DSE: variants seen among roughly 807,000 people sequenced by gnomAD.
The protein encoded by DSE is dermatan-sulfate epimerase.
Under a neutral mutation model 84.4 loss-of-function variants are expected in DSE, and 36 were observed. That is an observed-to-expected ratio of 0.43 (90% CI 0.33 to 0.56). DSE has a LOEUF of 0.56. DSE is among the 20% of genes least tolerant of loss of function. DSE has a pLI of 0.06. For missense variants in DSE, 862 were observed against 1,169.6 expected (o/e 0.74, Z 3.84); for synonymous variants, 410 against 430.1 (o/e 0.95, Z 0.58).
intron 2 of DSE, among the ~76,000 whole-genome samples, chr6:116,315,289 C>G (rs887298848): frequency 9.9e-5 from 15 of 151,994 alleles, no homozygotes; most frequent in African/African-American, 3.6e-4. Context: ...TCAATTCTCT[C>G]TGTCCTGCTT....
At chr6:116,369,277 G>A (rs951524532), upstream of DSE, among the ~76,000 whole-genome samples, 4 of 152,174 alleles carry the variant, frequency 2.6e-5, no homozygotes, top group South Asian at 2.1e-4. Flanking sequence ...GAGAGGTTAC[G>A]TAAATTAAAC....
intron 2 of DSE, among the ~76,000 whole-genome samples, chr6:116,314,170 A>G (rs1399966119): frequency 6.6e-6 from 1 of 152,186 alleles, no homozygotes; most frequent in Non-Finnish European, 1.5e-5. Flanking sequence ...TGCTTTCACA[A>G]TAAGGATAAG....
chr6:116,322,721 C>T (rs959433170), intron 2 of DSE, among the ~76,000 whole-genome samples: 1 of 152,060 alleles, frequency 6.6e-6, no homozygotes, highest in African/African-American at 2.4e-5. Flanking sequence ...AAATGCAAAC[C>T]TGTGATTGAA....
intron 2 of DSE, among the ~76,000 whole-genome samples, chr6:116,351,444 G>A (rs1023825158): frequency 6.6e-6 from 1 of 152,144 alleles, no homozygotes; most frequent in Non-Finnish European, 1.5e-5. Context: ...CTAATAAGTT[G>A]TAACATGAAC....
At chr6:116,421,479 T>A (rs1783092796) in intron 2 of DSE, among the ~76,000 whole-genome samples, 3 of 117,830 alleles carry the variant, frequency 2.5e-5, no homozygotes, top group African/African-American at 1.2e-4. Context: ...TTTTTTTTTT[T>A]TTTTTTTTTT....
chr6:116,316,826 C>CTACTATTATTAT (rs59889768), intron 2 of DSE, among the ~76,000 whole-genome samples: 5,799 of 145,704 alleles, frequency 0.04, 212 homozygotes, highest in African/African-American at 0.088. Flanking sequence ...ACTACTACTA[C>CTACTATTATTAT]TATTATTATT....
chr6:116,419,328 A>G (rs1782927362), intron 2 of DSE, among the ~76,000 whole-genome samples: 1 of 152,228 alleles, frequency 6.6e-6, no homozygotes, highest in African/African-American at 2.4e-5. Flanking sequence ...TTTCACATTT[A>G]AAATGGAGGG....
intron 2 of DSE, among the ~76,000 whole-genome samples, chr6:116,318,397 T>G (rs9488900): frequency 0.022 from 3,344 of 152,188 alleles, 124 homozygotes; most frequent in African/African-American, 0.075. Context: ...TCCCAGCTAC[T>G]TGGGAGGCTG....
At chr6:116,295,781 A>G (rs1217537766) in intron 2 of DSE, among the ~76,000 whole-genome samples, 1 of 152,322 alleles carries the variant, frequency 6.6e-6, no homozygotes, top group East Asian at 1.9e-4. Context: ...TTCCATTCCA[A>G]AAATAAGCAT....
upstream of DSE, among the ~76,000 whole-genome samples, chr6:116,367,532 G>T (rs887699697): frequency 6.6e-6 from 1 of 152,158 alleles, no homozygotes; most frequent in Non-Finnish European, 1.5e-5. Context: ...CTAAAGCCAA[G>T]AATAAACTAA....
At chr6:116,277,990 T>C (rs899808511) in intron 2 of DSE, 70 of 137,498 alleles carry the variant, frequency 5.1e-4, no homozygotes, top group Admixed American at 1.6e-3. Context: ...CAGGTAGCAA[T>C]AGAAAGTGAC....
chr6:116,254,328 T>G, intron 1 of DSE: 4 of 580,840 alleles, frequency 6.9e-6, no homozygotes, highest in Non-Finnish European at 9.7e-6. Context: ...TTTCTAAGCC[T>G]CTGAATGAAT....
In DSE at chr6:116,316,653, G is replaced by A. The variant is rs551528935; in HGVS notation, c.-54+57686G>A. 2.9e-4 allele frequency among the ~76,000 whole-genome samples: 44 copies of A among 151,926 alleles called. 1 individual carries two copies. The highest frequency in any genetic ancestry group is 1.5e-3 in the South Asian group (7 of 4,806). ...CTAGGACAATAATGGGACTTGGTGCGGAATGACCTGAAATGACAGCTAGTC... is the reference window on the plus strand; with the variant it reads ...CTAGGACAATAATGGGACTTGGTGCAGAATGACCTGAAATGACAGCTAGTC... On this transcript the variant is annotated intron_variant, in intron 2 of 3. Transcript: ENST00000430252.
Position 116,321,867 on chromosome 6 carries a change from T to C in DSE, c.-54+62900T>C, listed in dbSNP as rs1240652953. ...CATAAGGGCAGGAACTTTGTCTTTT[T>C]TGTTCACTACTGTACGTCTAGTACC... On this transcript the variant is annotated intron_variant, in intron 2 of 3. Transcript: ENST00000430252. 2.0e-5 allele frequency among the ~76,000 whole-genome samples: 3 copies of C among 152,218 alleles called. No homozygotes were observed. In the East Asian group the frequency reaches 5.8e-4, roughly 29 times the overall value.
chr6:116,421,132 C>G (rs1183455560), intron 2 of DSE, among the ~76,000 whole-genome samples: 1 of 152,100 alleles, frequency 6.6e-6, no homozygotes, highest in Non-Finnish European at 1.5e-5. Context: ...ACATTCCACC[C>G]TTACACTCAG....
chr6:116,362,389 T>C (rs556429487), intron 2 of DSE, among the ~76,000 whole-genome samples: 28 of 152,284 alleles, frequency 1.8e-4, no homozygotes, highest in Non-Finnish European at 3.5e-4. Context: ...CCAAAATTCA[T>C]ATGTAAGCCC....
intron 2 of DSE, among the ~76,000 whole-genome samples, chr6:116,323,732 A>G (rs573205772): frequency 6.6e-6 from 1 of 152,358 alleles, no homozygotes; most frequent in East Asian, 1.9e-4. Context: ...ATAGCATTTC[A>G]GGTATAAAAT....
At chr6:116,427,960 G>A (rs946969550) in intron 3 of DSE, among the ~76,000 whole-genome samples, 4 of 152,198 alleles carry the variant, frequency 2.6e-5, no homozygotes, top group East Asian at 1.9e-4. Flanking sequence ...AGGCCAAAGC[G>A]GGCGGATCAC....
chr6:116,321,143 TA>T (rs1379446286), intron 2 of DSE, among the ~76,000 whole-genome samples: 2 of 152,142 alleles, frequency 1.3e-5, no homozygotes, highest in Non-Finnish European at 2.9e-5. Context: ...AATACTCATT[TA>T]AAAAAACCTA....
Sources: allele counts gnomAD v4.1 joint callset (sites outside exome capture counted in the v4.1 genomes callset), GRCh38; gene constraint gnomAD v4.1.1; transcripts MANE v1.5; gene names NCBI Gene and HGNC (gene_info 2026-07-23, HGNC 2026-07-21).